The following NPEPL1 variants were observed in gnomAD, a reference collection of about 807,000 sequenced individuals.
The protein encoded by NPEPL1 is probable aminopeptidase NPEPL1.
Under a neutral mutation model 52.4 loss-of-function variants are expected in NPEPL1, and 45 were observed. The observed-to-expected ratio is 0.86, with a 90% CI of 0.68 to 1.10. The LOEUF is 1.10. Among genes scored for constraint, NPEPL1 ranks in the 50% least tolerant of loss-of-function variants. The pLI is 0.00. For synonymous variants in NPEPL1, 360 were observed against 314.7 expected (o/e 1.14, Z -1.52); for missense variants, 696 against 710.9 (o/e 0.98, Z 0.24).
intron 6 of NPEPL1, among the ~76,000 whole-genome samples, chr20:58,701,377 G>C (rs73618613): frequency 0.28 from 35,320 of 124,600 alleles, 7,130 homozygotes; most frequent in Non-Finnish European, 0.37. Flanking sequence ...TGCCCTGGGG[G>C]GGGGGGAGGG....
At chr20:58,714,864 C>T (rs903509807) in intron 11 of NPEPL1, 194 bp downstream of exon 11, 1 of 615,318 alleles carries the variant, frequency 1.6e-6, no homozygotes, top group East Asian at 2.8e-5. Context: ...CGACCCTTCC[C>T]CAGCCAGCCT....
intron 5 of NPEPL1, 112 bp downstream of exon 5, chr20:58,699,390 T>C: frequency 1.2e-6 from 1 of 804,170 alleles, no homozygotes; most frequent in Admixed American, 2.6e-5. Flanking sequence ...TTCATCCTGC[T>C]TGTGACCTGA....
chr20:58,691,790 G>T (rs565235736), upstream of NPEPL1: 33 of 1,546,680 alleles, frequency 2.1e-5, no homozygotes, highest in South Asian at 3.6e-4. Flanking sequence ...GGTAACAGAG[G>T]AGGGTACCAA....
At chr20:58,706,081 T>C (rs577515785) in intron 6 of NPEPL1, among the ~76,000 whole-genome samples, 2 of 152,234 alleles carry the variant, frequency 1.3e-5, no homozygotes, top group Non-Finnish European at 2.9e-5. Flanking sequence ...ATTTAAAATA[T>C]GAACTTGTGA....
At chr20:58,711,118 C>T (rs1199461189) in intron 7 of NPEPL1, 1 of 112,494 alleles carries the variant, frequency 8.9e-6, no homozygotes, top group East Asian at 2.2e-4. Flanking sequence ...CCCCCTCCTC[C>T]CCCTCTCCTC....
At chr20:58,709,317 A>T (rs2084792542) in intron 7 of NPEPL1, among the ~76,000 whole-genome samples, 1 of 152,162 alleles carries the variant, frequency 6.6e-6, no homozygotes. Context: ...CACAGAATCA[A>T]TCCTCAGGGT....
At chr20:58,692,145 C>T (rs2084361747), upstream of NPEPL1, 3 of 402,946 alleles carry the variant, frequency 7.4e-6, no homozygotes, top group Non-Finnish European at 9.0e-6. This position sits in a 1 kb window ranked among gnomAD's most constrained non-coding sequence, Gnocchi z 5.7. Context: ...TGCAGCCAGG[C>T]AGTGCCTGGA....
chr20:58,693,067 C>T lies in NPEPL1; in HGVS notation c.150+17C>T, dbSNP rs552417223. The T allele has an allele frequency of 1.1e-5, 11 of 1,012,734 alleles. No individual in the cohort carries two copies. The South Asian group carries it at 2.6e-4, about 24-fold the overall frequency. The allele number at this position is 1,012,734 out of a possible 1,614,324, so 62.7% of individuals were successfully genotyped here. Reference sequence around the variant, plus strand: ...ACCGAGGAGGTGAGCGGGCCGCCGGCCGCCATGCGACCCGCGCCGCGGAAG... The same window carrying T: ...ACCGAGGAGGTGAGCGGGCCGCCGGTCGCCATGCGACCCGCGCCGCGGAAG... On this transcript the variant is annotated intron_variant, in intron 1 of 11. Transcript: ENST00000356091.
In NPEPL1 at chr20:58,693,773, C is replaced by T. The variant is rs770035804; in HGVS notation, c.187C>T (p.Pro63Ser). The T allele has an allele frequency of 1.9e-6, 3 of 1,613,276 alleles. No individual in the cohort carries two copies. Among genetic ancestry groups the T allele is most frequent in the South Asian group, 1.1e-5 (1 of 91,044 alleles). ...QAALSTLNPN[P>S]TDSCPLYLNY... ...TGCCCTGAGCACGCTCAACCCCAACCCCACGGACAGCTGTCCCCTCTACCT... is the reference window on the plus strand; with the variant it reads ...TGCCCTGAGCACGCTCAACCCCAACTCCACGGACAGCTGTCCCCTCTACCT... The change falls in exon 2 of 12, where the codon CCC becomes TCC. Residue 63 changes from proline (P) to serine (S), a missense_variant. Coordinates refer to ENST00000356091, the MANE Select transcript of NPEPL1 (RefSeq NM_024663.4).
Position 58,714,222 on chromosome 20 carries a change from G to T in NPEPL1, c.1302+129G>T, listed in dbSNP as rs576167004. The T allele has an allele frequency of 9.7e-6, 10 of 1,035,756 alleles. No homozygotes were observed. In the South Asian group the frequency reaches 1.6e-4, roughly 17 times the overall value. 64.2% of individuals were successfully genotyped at this position (1,035,756 alleles called of 1,614,324 possible). A position where few individuals can be genotyped will look rare whatever the true frequency, so the allele number is the denominator to read the frequency against. Reference sequence around the variant, plus strand: ...AGAAGCAGCCACAGTGCAGACGAGGGCTTGAGAGGCAGGCGTCAGGGCACA... The same window carrying T: ...AGAAGCAGCCACAGTGCAGACGAGGTCTTGAGAGGCAGGCGTCAGGGCACA... On this transcript the variant is annotated intron_variant, in intron 10 of 11. Transcript: ENST00000356091.
chr20:58,714,753 C>T (rs1426566432), intron 11 of NPEPL1, 83 bp downstream of exon 11: 2 of 1,071,538 alleles, frequency 1.9e-6, no homozygotes, highest in Non-Finnish European at 2.7e-6. Context: ...GAGCTGCTGG[C>T]AGAGCTCATC....
chr20:58,712,411 C>A, intron 7 of NPEPL1, 68 bp from the exon 8 acceptor site: 1 of 1,021,500 alleles, frequency 9.8e-7, no homozygotes. Flanking sequence ...TGAGAACCCC[C>A]AGCTCGTCCT....
chr20:58,711,057 C>T (rs1255551485), intron 7 of NPEPL1: 4 of 139,582 alleles, frequency 2.9e-5, no homozygotes, highest in Non-Finnish European at 6.2e-5. Flanking sequence ...GAATCCTCCT[C>T]CTCCCCGCTC....
chr20:58,691,532 C>A, upstream of NPEPL1: 2 of 661,288 alleles, frequency 3.0e-6, no homozygotes, highest in Non-Finnish European at 2.7e-6. Context: ...CAGAGCTGAG[C>A]AGACAGACCT....
intron 3 of NPEPL1, among the ~76,000 whole-genome samples, chr20:58,695,143 TGTGTGGTG>T (rs2084451349): frequency 9.0e-6 from 1 of 111,432 alleles, no homozygotes; most frequent in Non-Finnish European, 1.9e-5. Flanking sequence ...GTGGTGTGTG[TGTGTGGTG>T]TGCATGTGTG....
rs555596662 is a variant in NPEPL1 at position 58,713,039 on chromosome 20, T to C, written c.1002-381T>C. On this transcript the variant is annotated intron_variant, in intron 8 of 11. Transcript: ENST00000356091. The surrounding 1 kb of genome is among the most constrained non-coding windows in gnomAD (Gnocchi z 4.6). ...CCCTCTCCCCAGCCCCATGAGCTGG[T>C]GCCTGAGTGGGCGCCTCCCCGCATC... 1 of 349,974 alleles carries C rather than the reference T, an allele frequency of 2.9e-6. No homozygotes were observed. Among genetic ancestry groups the C allele is most frequent in the South Asian group, 2.6e-5 (1 of 37,820 alleles). 21.7% of individuals were successfully genotyped at this position (349,974 alleles called of 1,614,324 possible). A position where few individuals can be genotyped will look rare whatever the true frequency, so the allele number is the denominator to read the frequency against.
At chr20:58,697,299 C>T (rs923554392) in intron 3 of NPEPL1, among the ~76,000 whole-genome samples, 5 of 152,366 alleles carry the variant, frequency 3.3e-5, no homozygotes, top group East Asian at 1.9e-4. Flanking sequence ...GCCCCGAGCT[C>T]GCCGTGGTCT....
chr20:58,691,388 TTTTTTTTTTTTTTGA>T, upstream of NPEPL1: 3 of 550,894 alleles, frequency 5.4e-6, no homozygotes, highest in Non-Finnish European at 9.5e-6. Flanking sequence ...TTTTTTTTTT[TTTTTTTTTTTTTTGA>T]GTGCCTGCTC....
In NPEPL1 at chr20:58,703,301, TCAA is replaced by T. The variant is rs1184351321; in HGVS notation, c.822+2149_822+2151del. On this transcript the variant is annotated intron_variant, in intron 6 of 11. Coordinates refer to ENST00000356091, the MANE Select transcript of NPEPL1 (RefSeq NM_024663.4). ...GCCACAGCAATTTTTTAAACTTCAA[TCAA>T]CAACAGATTTTCGGAGGAGGAATAT... 2.6e-5 allele frequency: 6 copies of T among 234,224 alleles called. No homozygotes were observed. The South Asian group carries it at 7.7e-4, about 30-fold the overall frequency. 14.5% of individuals were successfully genotyped at this position (234,224 alleles called of 1,614,324 possible).
Sources: gnomAD v4.1 joint callset for allele counts (sites outside exome capture counted in the v4.1 genomes callset) on GRCh38, gnomAD v4.1.1 for gene constraint, Gnocchi (gnomAD v3.1) non-coding constraint, MANE v1.5 for transcripts, NCBI Gene and HGNC (gene_info 2026-07-23, HGNC 2026-07-21) for gene names.